The following CFAP99 variants were observed in gnomAD, a reference collection of about 807,000 sequenced individuals.
The protein encoded by CFAP99 is cilia and flagella associated protein 99.
A neutral mutation model predicts 82.7 loss-of-function variants in CFAP99; 84 were observed. The observed-to-expected ratio is 1.02, with a 90% CI of 0.85 to 1.22. The LOEUF (loss-of-function observed/expected upper bound fraction) is 1.22. Among genes scored for constraint, CFAP99 ranks in the 50% most tolerant of loss-of-function variants. The pLI, the probability that CFAP99 is intolerant of heterozygous loss-of-function variation, is 0.00. For missense variants in CFAP99, 1,059 were observed against 983.5 expected, an observed-to-expected ratio of 1.08 and a Z score of -1.03; for synonymous variants, 456 against 429.5, an observed-to-expected ratio of 1.06 and a Z score of -0.76.
chr4:2,423,911 G>A (rs1578461094), intron 1 of CFAP99, among the ~76,000 whole-genome samples: 3 of 152,166 alleles, frequency 2.0e-5, no homozygotes, highest in East Asian at 1.9e-4. Flanking sequence ...CCCAGCCGGG[G>A]CCCAGGGCAG....
intron 4 of CFAP99, among the ~76,000 whole-genome samples, chr4:2,440,107 G>A (rs1378642057): frequency 6.9e-6 from 1 of 145,444 alleles, no homozygotes; most frequent in Admixed American, 7.0e-5. Flanking sequence ...CTCCCAAAGT[G>A]TTGGGATTAC....
intron 9 of CFAP99, 123 bp downstream of exon 9, chr4:2,451,141 C>A: frequency 1.4e-6 from 2 of 1,448,100 alleles, no homozygotes; most frequent in Non-Finnish European, 1.9e-6. Flanking sequence ...GACGGCCCCA[C>A]CCTGGGGGAT....
intron 11 of CFAP99, 88 bp downstream of exon 11, chr4:2,452,434 G>T: frequency 7.3e-7 from 1 of 1,375,628 alleles, no homozygotes; most frequent in East Asian, 2.5e-5. Flanking sequence ...TGGCAGTGGA[G>T]CTGAGTGTCC....
rs190650401 is a variant in CFAP99 at position 2,456,763 on chromosome 4, C to T, written c.1162-1960C>T. Among the ~76,000 whole-genome samples, 878 of 152,076 alleles carry T rather than the reference C, an allele frequency of 5.8e-3. 7 individuals carry two copies. The highest frequency in any genetic ancestry group is 0.02 in the African/African-American group (837 of 41,486). On this transcript the variant is annotated intron_variant, in intron 11 of 14. Transcript: ENST00000635017. The stretch of plus-strand genomic sequence containing the variant: ...CGAACTCCCGATCTCAGGTGATCTG[C>T]CTGCCTCGGCCTCCCAAAGTGCTGG...
At chr4:2,426,309 AGGCCC>A (rs139170984) in intron 1 of CFAP99, 145 bp from the exon 2 acceptor site, 6 of 508,538 alleles carry the variant, frequency 1.2e-5, no homozygotes, top group African/African-American at 1.2e-4. Context: ...CCACTGCTGT[AGGCCC>A]GGCACCCTAG....
chr4:2,429,720 T>C (rs906129262), intron 2 of CFAP99, among the ~76,000 whole-genome samples: 2 of 151,916 alleles, frequency 1.3e-5, no homozygotes, highest in African/African-American at 4.8e-5. Context: ...GCCTCCCGAG[T>C]AGCTGGGACT....
intron 3 of CFAP99, 59 bp from the exon 4 acceptor site, chr4:2,438,011 G>T: frequency 9.4e-7 from 1 of 1,066,858 alleles, no homozygotes; most frequent in Non-Finnish European, 1.4e-6. Flanking sequence ...CTCCGGTCCC[G>T]CCGTGTGCCT....
At chr4:2,437,875 T>C (rs904191374) in intron 3 of CFAP99, among the ~76,000 whole-genome samples, 195 bp from the exon 4 acceptor site, 1 of 152,232 alleles carries the variant, frequency 6.6e-6, no homozygotes, top group Non-Finnish European at 1.5e-5. Context: ...TCAAAGTGCT[T>C]TGAAACCACA....
intron 11 of CFAP99, among the ~76,000 whole-genome samples, chr4:2,457,426 G>A (rs76278698): frequency 0.049 from 7,421 of 152,288 alleles, 605 homozygotes; most frequent in African/African-American, 0.17. Context: ...AGCAGCCAGT[G>A]CGAGCCATGC....
At chr4:2,445,069 C>T in intron 5 of CFAP99, 62 bp from the exon 6 acceptor site, 1 of 1,184,074 alleles carries the variant, frequency 8.4e-7, no homozygotes, top group Middle Eastern at 2.1e-4. Flanking sequence ...TCCTAAAGGC[C>T]ATCGCCTTAT....
exon 14 of CFAP99, chr4:2,460,049 G>C: frequency 6.5e-7 from 1 of 1,535,890 alleles, no homozygotes; most frequent in East Asian, 2.4e-5. Flanking sequence ...CCCCGGCTAC[G>C]GCCTGGAAGG....
chr4:2,428,665 C>G (rs867276374), intron 2 of CFAP99: 2 of 152,528 alleles, frequency 1.3e-5, no homozygotes, highest in African/African-American at 4.8e-5. Context: ...TTCCTGGGTA[C>G]CCCCTGCGCC....
chr4:2,446,050 G>A lies in CFAP99; in HGVS notation c.642+742G>A, dbSNP rs142599897. Among the ~76,000 whole-genome samples the A allele has an allele frequency of 6.5e-3, 995 of 152,310 alleles. 9 individuals carry two copies. Among genetic ancestry groups the A allele is most frequent in the African/African-American group, 0.019 (810 of 41,562 alleles). ...ATGGACTGAGCTTCCCAGAACCAAC[G>A]TGGTTCTGCAACAGGACTAAGGGCT... On this transcript the variant is annotated intron_variant, in intron 6 of 14. Coordinates refer to ENST00000635017, the Ensembl canonical transcript of CFAP99. This position sits in a 1 kb window ranked among gnomAD's most constrained non-coding sequence, Gnocchi z 5.0.
In CFAP99 at chr4:2,445,127, C is replaced by T. The variant is rs1734130478; in HGVS notation, c.465-4C>T. On this transcript the variant is annotated splice_polypyrimidine_tract_variant and splice_region_variant and intron_variant, in intron 5 of 14. Transcript: ENST00000635017. ...TAAGAGGTGTTTCCACTTTTGCCTT[C>T]AAGATGGCAGCCAGAGGTCCAGGAG... 1 of 1,348,164 alleles carries T rather than the reference C, an allele frequency of 7.4e-7. No individual in the cohort carries two copies. The highest frequency in any genetic ancestry group is 9.5e-7 in the Non-Finnish European group (1 of 1,052,994). 83.5% of individuals were successfully genotyped at this position (1,348,164 alleles called of 1,614,324 possible).
At chr4:2,447,987 G>A (rs1250347304) in intron 6 of CFAP99, among the ~76,000 whole-genome samples, 3 of 150,180 alleles carry the variant, frequency 2.0e-5, no homozygotes, top group Admixed American at 6.6e-5. Flanking sequence ...ATGGCTTCAT[G>A]GAAGGATAAG....
At chr4:2,433,369 G>A (rs998812264) in intron 2 of CFAP99, among the ~76,000 whole-genome samples, 7 of 152,052 alleles carry the variant, frequency 4.6e-5, no homozygotes, top group East Asian at 3.9e-4. Context: ...CACTGCTCTC[G>A]GAAGGGTCTG....
At position 2,449,941 on chromosome 4, in the gene CFAP99, T is replaced by C; in HGVS notation, c.731T>C (p.Leu244Pro). Residue 244 changes from leucine (L) to proline (P), a missense_variant, in exon 8 of 15, where the codon CTG becomes CCG. Physicochemically the swap from Leu to Pro is moderately conservative, Grantham distance 98 (BLOSUM62 -3). Transcript: ENST00000635017. The stretch of plus-strand genomic sequence containing the variant: ...GCTGTGTCACTGTGGCAGGAGCTGC[T>C]GCTGAGGGCAAACATCGAGGAACTG... The C allele has an allele frequency of 4.6e-6, 7 of 1,536,152 alleles. No homozygotes were observed. Among genetic ancestry groups the C allele is most frequent in the Non-Finnish European group, 6.1e-6 (7 of 1,146,920 alleles).
At chr4:2,419,848 C>A (rs1216725612) in intron 1 of CFAP99, among the ~76,000 whole-genome samples, 1 of 152,120 alleles carries the variant, frequency 6.6e-6, no homozygotes, top group Non-Finnish European at 1.5e-5. Context: ...CTCTGAAGGG[C>A]AAAACCCCTC....
intron 14 of CFAP99, among the ~76,000 whole-genome samples, chr4:2,461,452 T>C (rs1004371889): frequency 2.6e-5 from 4 of 152,178 alleles, no homozygotes; most frequent in African/African-American, 4.8e-5. Flanking sequence ...GCTGCTCTGG[T>C]TGCAATTCAG....
Sources: allele counts gnomAD v4.1 joint callset (sites outside exome capture counted in the v4.1 genomes callset), GRCh38; gene constraint gnomAD v4.1.1; non-coding constraint Gnocchi (gnomAD v3.1); transcripts MANE v1.5; gene names NCBI Gene and HGNC (gene_info 2026-07-23, HGNC 2026-07-21).